Variants in SHISAL2A observed in about 807,000 individuals in gnomAD.
SHISAL2A encodes the protein shisa like 2A.
Under a neutral mutation model 11.5 loss-of-function variants are expected in SHISAL2A, and 18 were observed. The ratio of observed to expected loss-of-function variants is 1.57; its 90% CI spans 1.08 to 2.33. The LOEUF (loss-of-function observed/expected upper bound fraction) is 2.33. SHISAL2A is among the 30% of genes most tolerant of loss of function. The pLI is 0.00. For synonymous variants in SHISAL2A, 94 were observed against 99.6 expected (o/e 0.94, Z 0.34); for missense variants, 261 against 250.9 (o/e 1.04, Z -0.27).
chr1:52,636,675 A>G (rs944120008), intron 1 of SHISAL2A, among the ~76,000 whole-genome samples: 1 of 152,224 alleles, frequency 6.6e-6, no homozygotes, highest in Non-Finnish European at 1.5e-5. Context: ...AAGACTATCC[A>G]AGGGTTAGAT....
chr1:52,650,505 A>C (rs1376104222), intron 2 of SHISAL2A, among the ~76,000 whole-genome samples: 7 of 152,178 alleles, frequency 4.6e-5, no homozygotes, highest in African/African-American at 1.7e-4. Context: ...ACTAGAAATG[A>C]TGCTTACTGG....
intron 2 of SHISAL2A, among the ~76,000 whole-genome samples, chr1:52,649,251 G>C (rs750624402): frequency 6.6e-6 from 1 of 152,116 alleles, no homozygotes; most frequent in Admixed American, 6.6e-5. Context: ...GCTCTCTTGC[G>C]CTTCAATAGG....
intron 5 of SHISAL2A, among the ~76,000 whole-genome samples, chr1:52,667,921 C>A (rs907190914): frequency 6.6e-6 from 1 of 152,140 alleles, no homozygotes; most frequent in Admixed American, 6.6e-5. Context: ...GTTCTCTTGC[C>A]ACCCAGTTTA....
chr1:52,636,514 A>G (rs1245283443), intron 1 of SHISAL2A, among the ~76,000 whole-genome samples: 1 of 152,260 alleles, frequency 6.6e-6, no homozygotes, highest in Non-Finnish European at 1.5e-5. Flanking sequence ...AATAATGCAC[A>G]TGAAAGTGAC....
intron 2 of SHISAL2A, among the ~76,000 whole-genome samples, chr1:52,654,140 G>A (rs1046335999): frequency 3.9e-5 from 6 of 151,914 alleles, no homozygotes; most frequent in Non-Finnish European, 8.8e-5. Context: ...TGAACTCCTG[G>A]GCTCAAGCAA....
In SHISAL2A at chr1:52,633,920, C is replaced by T. The variant is rs982008414; in HGVS notation, c.182+245C>T. ...CCCTCCTCTAATCCAAAACAATCCT[C>T]ACTCTATCCCCACCCCAAACTTCAT... On this transcript the variant is annotated intron_variant, in intron 1 of 2. Coordinates refer to ENST00000517870, the MANE Select transcript of SHISAL2A (RefSeq NM_001042693.3). The surrounding 1 kb of genome is among the most constrained non-coding windows in gnomAD (Gnocchi z 6.4). 6.6e-6 allele frequency among the ~76,000 whole-genome samples: 1 copy of T among 151,986 alleles called. No homozygotes were observed. The highest frequency in any genetic ancestry group is 1.5e-5 in the Non-Finnish European group (1 of 68,004).
chr1:52,663,653 C>T (rs557753084), intron 4 of SHISAL2A, among the ~76,000 whole-genome samples: 2 of 152,146 alleles, frequency 1.3e-5, no homozygotes, highest in African/African-American at 2.4e-5. Flanking sequence ...CCCAGCTACT[C>T]GGGAAGCTGA....
intron 4 of SHISAL2A, among the ~76,000 whole-genome samples, chr1:52,662,872 TA>T (rs1418220648): frequency 6.6e-6 from 1 of 152,198 alleles, no homozygotes; most frequent in African/African-American, 2.4e-5. Flanking sequence ...AATAGACAGT[TA>T]AATACACTGT....
downstream of SHISAL2A, among the ~76,000 whole-genome samples, chr1:52,660,867 T>A (rs1171462453): frequency 6.6e-6 from 1 of 152,222 alleles, no homozygotes; most frequent in Non-Finnish European, 1.5e-5. Context: ...AGAAGCTCAT[T>A]GCTACAGGCA....
chr1:52,660,202 C>G (rs1691876326), downstream of SHISAL2A, among the ~76,000 whole-genome samples: 1 of 152,262 alleles, frequency 6.6e-6, no homozygotes, highest in Non-Finnish European at 1.5e-5. Context: ...GTGGGGGAGA[C>G]CGCACACTGA....
intron 1 of SHISAL2A, chr1:52,639,888 C>CA (rs1461000478): frequency 6.6e-6 from 1 of 152,092 alleles, no homozygotes; most frequent in Non-Finnish European, 1.5e-5. Context: ...TCCCGGGCTC[C>CA]AGCAACCCTC....
rs114083922 is a variant in SHISAL2A at position 52,655,437 on chromosome 1, G to A, written c.323-1353G>A. Among the ~76,000 whole-genome samples, 1,106 of 111,668 alleles carry A rather than the reference G, an allele frequency of 9.9e-3. 21 individuals are homozygous for A. The highest frequency in any genetic ancestry group is 0.035 in the African/African-American group (1,014 of 29,202). 73.3% of individuals were successfully genotyped at this position (111,668 alleles called of 152,430 possible). A position where few individuals can be genotyped will look rare whatever the true frequency, so the allele number is the denominator to read the frequency against. ...TTCAGGATAGCCTGGGAAATATAAT[G>A]AGACCCTGTATCTACAAAAAAAAAA... On this transcript the variant is annotated intron_variant, in intron 2 of 2. Transcript: ENST00000517870.
At chr1:52,632,915 T>TGCG (rs2149868378), upstream of SHISAL2A, among the ~76,000 whole-genome samples, 1 of 152,274 alleles carries the variant, frequency 6.6e-6, no homozygotes, top group East Asian at 1.9e-4. Context: ...CCTGGGTTTT[T>TGCG]GCGGAGGTTG....
chr1:52,634,432 G>A (rs891624370), intron 1 of SHISAL2A, among the ~76,000 whole-genome samples: 1 of 152,140 alleles, frequency 6.6e-6, no homozygotes, highest in Admixed American at 6.5e-5. Context: ...CAGAAGACTC[G>A]GGAGTCAGAG....
intron 4 of SHISAL2A, chr1:52,667,391 C>T (rs532370395): frequency 2.0e-6 from 2 of 984,806 alleles, no homozygotes; most frequent in Admixed American, 1.2e-4. Context: ...TTCTCTATGA[C>T]CCTGCAGGTG....
chr1:52,655,467 A>AG (rs1285142065), intron 2 of SHISAL2A, among the ~76,000 whole-genome samples: 1 of 147,174 alleles, frequency 6.8e-6, no homozygotes, highest in Non-Finnish European at 1.5e-5. Flanking sequence ...AAAAAAAAAA[A>AG]AAAAAAAAAA....
intron 1 of SHISAL2A, 47 bp from the exon 2 acceptor site, chr1:52,642,816 C>T: frequency 6.3e-7 from 1 of 1,597,124 alleles, no homozygotes; most frequent in South Asian, 1.1e-5. Context: ...ATCTGTCTCC[C>T]AAGTCCCTTC....
rs575481300 is a variant in SHISAL2A at position 52,642,980 on chromosome 1, G to C, written c.300G>C (p.Leu100=). ...ISSKPHTKLD[L]GLSLQTAGPE... ...CTAAGCCCCACACAAAGTTGGACCT[G>C]GGCTTGAGCTTACAGACAGCAGGTA... Residue 100 remains leucine (L), a synonymous_variant, in exon 2 of 3, where the codon CTG becomes CTC. Coordinates refer to ENST00000517870, the MANE Select transcript of SHISAL2A (RefSeq NM_001042693.3). 1.2e-6 allele frequency: 2 copies of C among 1,614,128 alleles called. No homozygotes were observed. Among genetic ancestry groups the C allele is most frequent in the Admixed American group, 3.3e-5 (2 of 60,006 alleles).
intron 1 of SHISAL2A, among the ~76,000 whole-genome samples, chr1:52,641,215 C>A (rs1211194535): frequency 6.6e-6 from 1 of 152,118 alleles, no homozygotes; most frequent in East Asian, 1.9e-4. Context: ...GTGAGCTGTC[C>A]TAGCAAATTA....
Sources: allele counts gnomAD v4.1 joint callset (sites outside exome capture counted in the v4.1 genomes callset), GRCh38; gene constraint gnomAD v4.1.1; non-coding constraint Gnocchi (gnomAD v3.1); transcripts MANE v1.5; gene names NCBI Gene and HGNC (gene_info 2026-07-23, HGNC 2026-07-21).